The following ENTPD5 variants were observed in gnomAD, a reference collection of about 807,000 sequenced individuals.
ENTPD5 encodes the protein ectonucleoside triphosphate diphosphohydrolase 5 (inactive), also known as nucleoside diphosphate phosphatase ENTPD5.
A neutral mutation model predicts 60.2 loss-of-function variants in ENTPD5; 49 were observed. The observed-to-expected ratio is 0.81, with a 90% CI of 0.65 to 1.03. The LOEUF (loss-of-function observed/expected upper bound fraction) is 1.03, where lower values mean the gene tolerates loss of function less well. Ranked by LOEUF, ENTPD5 falls within the 50% of genes least tolerant of loss-of-function variation. The pLI is 0.00. For synonymous variants in ENTPD5, 187 were observed against 185.4 expected (o/e 1.01, Z -0.07); for missense variants, 480 against 507.6 (o/e 0.95, Z 0.52).
At position 73,998,196 on chromosome 14, in the gene ENTPD5, C is replaced by G. The variant is rs889187034; in HGVS notation, c.-70-10024G>C. Among the ~76,000 whole-genome samples the G allele has an allele frequency of 7.2e-5, 11 of 152,100 alleles. 1 individual carries two copies. Among genetic ancestry groups the G allele is most frequent in the African/African-American group, 2.7e-4 (11 of 41,370 alleles). ...GTGCTGAGGGCAGTCACACCCCCAG[C>G]GCAGTGTTCCTTGCAATTATCTATA... On this transcript the variant is annotated intron_variant, in intron 3 of 15. Transcript: ENST00000334696.
chr14:73,986,941 G>A (rs377188682), intron 4 of ENTPD5, 48 bp from the exon 5 acceptor site: 1 of 1,432,690 alleles, frequency 7.0e-7, no homozygotes, highest in Non-Finnish European at 9.9e-7. Flanking sequence ...GTTACCAAAA[G>A]TTAGGCTGCT....
intron 3 of ENTPD5, chr14:74,007,869 C>CA (rs2058729881): frequency 6.8e-6 from 1 of 146,004 alleles, no homozygotes; most frequent in South Asian, 2.2e-4. Flanking sequence ...CTCACTCTGT[C>CA]ACTGAGGCTG....
intron 15 of ENTPD5, among the ~76,000 whole-genome samples, chr14:73,968,209 T>C (rs1454565965): frequency 1.3e-5 from 2 of 152,186 alleles, no homozygotes; most frequent in East Asian, 1.9e-4. Flanking sequence ...CTTAGTGACC[T>C]TGGGCAAAAC....
intron 2 of ENTPD5, among the ~76,000 whole-genome samples, chr14:74,014,186 C>T (rs183704576): frequency 6.6e-6 from 1 of 152,276 alleles, no homozygotes; most frequent in East Asian, 1.9e-4. Context: ...GTAGTCCCAA[C>T]TACTTGGGAA....
chr14:73,955,553 T>C (rs2056393425), downstream of ENTPD5: 2 of 1,563,498 alleles, frequency 1.3e-6, no homozygotes, highest in South Asian at 2.2e-5. Context: ...TCTTGGTCTG[T>C]CTTAAGATAT....
chr14:74,017,455 T>C (rs1490575297), intron 1 of ENTPD5, among the ~76,000 whole-genome samples: 4 of 150,162 alleles, frequency 2.7e-5, no homozygotes, highest in Admixed American at 6.7e-5. Flanking sequence ...GGTGTGTGCC[T>C]GTAATCCCAG....
rs1374466594 is a variant in ENTPD5 at position 73,965,919 on chromosome 14, C to G, written c.*1009G>C. On this transcript the variant is annotated 3_prime_UTR_variant, in exon 16 of 16. Coordinates refer to ENST00000334696, the MANE Select transcript of ENTPD5 (RefSeq NM_001249.5). ...CAGGAACGGTATTGGAAACTCTGAACTAGATAAATAATTCAAAGGATATTA... is the reference window on the plus strand; with the variant it reads ...CAGGAACGGTATTGGAAACTCTGAAGTAGATAAATAATTCAAAGGATATTA... 1 of 152,068 alleles carries G rather than the reference C, an allele frequency of 6.6e-6. No homozygotes were observed. The highest frequency in any genetic ancestry group is 2.4e-5 in the African/African-American group (1 of 41,384). The allele number at this position is 152,068 out of a possible 1,614,324, so 9.4% of individuals were successfully genotyped here.
chr14:73,976,676 G>C (rs1296284324), intron 8 of ENTPD5, among the ~76,000 whole-genome samples: 4 of 151,796 alleles, frequency 2.6e-5, no homozygotes, highest in Non-Finnish European at 4.4e-5. Context: ...CGCAATCTCG[G>C]CTCTCAGCTC....
chr14:73,961,032 C>A (rs1212255094), downstream of ENTPD5: 1 of 954,106 alleles, frequency 1.0e-6, no homozygotes, highest in Non-Finnish European at 1.6e-6. Flanking sequence ...ACTTGAGGGG[C>A]TTATCACTTG....
Position 73,966,651 on chromosome 14 carries a change from T to A in ENTPD5, c.*277A>T, listed in dbSNP as rs749995839. 1.1e-4 allele frequency: 36 copies of A among 339,846 alleles called. No homozygotes were observed. Among genetic ancestry groups the A allele is most frequent in the Non-Finnish European group, 1.8e-4 (34 of 187,224 alleles). The allele number at this position is 339,846 out of a possible 1,614,324, so 21.1% of individuals were successfully genotyped here. ...GCACTCAAAGGGTTGAAATGCGATT[T>A]TTCTTTGGTTTCCAGGGACCTGTCC... On this transcript the variant is annotated 3_prime_UTR_variant, in exon 16 of 16. Coordinates refer to ENST00000334696, the MANE Select transcript of ENTPD5 (RefSeq NM_001249.5).
Position 73,982,380 on chromosome 14 carries a change from T to C in ENTPD5, c.441+638A>G, listed in dbSNP as rs1047114263. Among the ~76,000 whole-genome samples, 3 of 152,200 alleles carry C rather than the reference T, an allele frequency of 2.0e-5. No individual in the cohort carries two copies. The East Asian group carries it at 5.8e-4, about 29-fold the overall frequency. On this transcript the variant is annotated intron_variant, in intron 6 of 15. Coordinates refer to ENST00000334696, the MANE Select transcript of ENTPD5 (RefSeq NM_001249.5). ...GTGAGCCACCGTGCCCAGCCTAAAA[T>C]AGATATATTTTATTGTATGTAAGTT...
Position 73,988,159 on chromosome 14 carries a change from C to A in ENTPD5, c.-57G>T. On this transcript the variant is annotated 5_prime_UTR_variant, in exon 4 of 16. Transcript: ENST00000334696. ...TTTGTTGCAGAAGCAATCCTGCTCG[C>A]ACACCTGCAGAGGCTTATAGGACAA... 6.4e-7 allele frequency: 1 copy of A among 1,551,912 alleles called. No homozygotes were observed.
chr14:73,972,323 T>TA (rs1344548552), intron 13 of ENTPD5, among the ~76,000 whole-genome samples: 1 of 151,932 alleles, frequency 6.6e-6, no homozygotes, highest in African/African-American at 2.4e-5. Context: ...GCAGTGAGCC[T>TA]AGATCATGCC....
At position 73,964,129 on chromosome 14, in the gene ENTPD5, C is replaced by T. The variant is rs1325340748; in HGVS notation, c.*2799G>A. The T allele has an allele frequency of 6.6e-6, 1 of 152,134 alleles. No homozygotes were observed. The highest frequency in any genetic ancestry group is 6.6e-5 in the Admixed American group (1 of 15,266). 9.4% of individuals were successfully genotyped at this position (152,134 alleles called of 1,614,324 possible). A position where few individuals can be genotyped will look rare whatever the true frequency, so the allele number is the denominator to read the frequency against. On this transcript the variant is annotated 3_prime_UTR_variant, in exon 16 of 16. Coordinates refer to ENST00000334696, the MANE Select transcript of ENTPD5 (RefSeq NM_001249.5). ...CCTAGATGAGGAGGACACAGACTCT[C>T]CAGAAGTTATGCAAACAAAATCAGG...
intron 5 of ENTPD5, among the ~76,000 whole-genome samples, chr14:73,985,366 A>T (rs2057856622): frequency 1.3e-5 from 2 of 152,164 alleles, no homozygotes; most frequent in Non-Finnish European, 2.9e-5. Context: ...CAACAGTGTA[A>T]GAGTGTTCCT....
At chr14:74,009,574 G>T (rs1815942913) in intron 3 of ENTPD5, among the ~76,000 whole-genome samples, 1 of 152,160 alleles carries the variant, frequency 6.6e-6, no homozygotes, top group South Asian at 2.1e-4. Flanking sequence ...CCCACCAAAT[G>T]TGGCTTTAAA....
chr14:73,996,220 C>G, intron 3 of ENTPD5: 1 of 985,240 alleles, frequency 1.0e-6, no homozygotes, highest in Non-Finnish European at 1.2e-6. Context: ...CCGCATTCAC[C>G]TTTGTGCCAG....
downstream of ENTPD5, chr14:73,959,947 C>G: frequency 8.8e-7 from 1 of 1,133,494 alleles, no homozygotes; most frequent in African/African-American, 1.6e-5. Flanking sequence ...AATGCTTGGT[C>G]TAGATTATGT....
At chr14:73,986,768 T>G (rs748083689) in intron 5 of ENTPD5, 46 bp downstream of exon 5, 1 of 1,350,976 alleles carries the variant, frequency 7.4e-7, no homozygotes, top group South Asian at 1.2e-5. Context: ...TGTGGTCAAG[T>G]TATCAAGGCA....
Sources: gnomAD v4.1 joint callset for allele counts (sites outside exome capture counted in the v4.1 genomes callset) on GRCh38, gnomAD v4.1.1 for gene constraint, MANE v1.5 for transcripts, NCBI Gene and HGNC (gene_info 2026-07-23, HGNC 2026-07-21) for gene names.